The following TACR3 variants were observed in gnomAD, a reference collection of about 807,000 sequenced individuals.
TACR3 encodes the protein tachykinin receptor 3.
A neutral mutation model predicts 35.0 loss-of-function variants in TACR3; 34 were observed. The observed-to-expected ratio is 0.97, with a 90% CI of 0.74 to 1.30. The LOEUF is 1.30. Among genes scored for constraint, TACR3 ranks in the 50% most tolerant of loss-of-function variants. The pLI is 0.00. For missense variants in TACR3, 558 were observed against 591.7 expected (o/e 0.94, Z 0.59); for synonymous variants, 233 against 221.1 (o/e 1.05, Z -0.48).
At chr4:103,700,895 A>C in intron 1 of TACR3, among the ~76,000 whole-genome samples, 1 of 152,198 alleles carries the variant, frequency 6.6e-6, no homozygotes, top group Non-Finnish European at 1.5e-5. Context: ...GATGGGACGT[A>C]TCTCAAAATA....
intron 1 of TACR3, among the ~76,000 whole-genome samples, chr4:103,682,809 C>A (rs1401990115): frequency 1.3e-5 from 2 of 152,078 alleles, no homozygotes; most frequent in Non-Finnish European, 2.9e-5. Context: ...GGAGAAGGAT[C>A]CATTTCCATC....
chr4:103,637,319 C>G (rs1052299830), intron 3 of TACR3, among the ~76,000 whole-genome samples: 1 of 152,152 alleles, frequency 6.6e-6, no homozygotes, highest in African/African-American at 2.4e-5. Flanking sequence ...AGCATATAAA[C>G]AGAACCAACG....
At chr4:103,694,165 G>T (rs1722471511) in intron 1 of TACR3, among the ~76,000 whole-genome samples, 1 of 151,842 alleles carries the variant, frequency 6.6e-6, no homozygotes, top group African/African-American at 2.4e-5. Context: ...AGCTTGAAGT[G>T]TACTTTTTAA....
At chr4:103,617,654 AAT>A (rs1351358316) in intron 3 of TACR3, among the ~76,000 whole-genome samples, 2 of 152,218 alleles carry the variant, frequency 1.3e-5, no homozygotes, top group Non-Finnish European at 2.9e-5. Flanking sequence ...CCAGACTTGG[AAT>A]ATCAAAATGA....
chr4:103,615,694 A>AAACTT (rs1313225520), intron 3 of TACR3, among the ~76,000 whole-genome samples: 1 of 152,216 alleles, frequency 6.6e-6, no homozygotes, highest in Non-Finnish European at 1.5e-5. Flanking sequence ...TAGAAAAATA[A>AAACTT]AACTTAATAA....
At chr4:103,617,702 A>T (rs533685615) in intron 3 of TACR3, among the ~76,000 whole-genome samples, 1 of 152,330 alleles carries the variant, frequency 6.6e-6, no homozygotes, top group Admixed American at 6.5e-5. Flanking sequence ...AGTCATAAAT[A>T]TTAGAAGATC....
chr4:103,697,549 G>GGAGTAA (rs1722550016), intron 1 of TACR3, among the ~76,000 whole-genome samples: 1 of 151,486 alleles, frequency 6.6e-6, no homozygotes. Context: ...CTCAGCCTCC[G>GGAGTAA]GAGTAACTGG....
At chr4:103,609,437 C>A (rs1724465469) in intron 3 of TACR3, among the ~76,000 whole-genome samples, 1 of 152,008 alleles carries the variant, frequency 6.6e-6, no homozygotes, top group South Asian at 2.1e-4. Context: ...AAAGGAGCAA[C>A]ATAAAAGTAC....
chr4:103,698,697 C>G (rs57790119), intron 1 of TACR3, among the ~76,000 whole-genome samples: 4,836 of 152,002 alleles, frequency 0.032, 271 homozygotes, highest in African/African-American at 0.11. Flanking sequence ...TGAACTCATA[C>G]AGTCAAATGA....
chr4:103,716,540 G>A (rs1723094878), intron 1 of TACR3, among the ~76,000 whole-genome samples: 1 of 152,022 alleles, frequency 6.6e-6, no homozygotes, highest in African/African-American at 2.4e-5. Context: ...AAAACTCAAT[G>A]CCTTTTATTA....
At chr4:103,617,903 A>C (rs1724696724) in intron 3 of TACR3, among the ~76,000 whole-genome samples, 1 of 152,174 alleles carries the variant, frequency 6.6e-6, no homozygotes, top group South Asian at 2.1e-4. Flanking sequence ...TTTATCAGGC[A>C]CCTGGGGGAA....
chr4:103,690,494 A>G (rs1467268451), intron 1 of TACR3, among the ~76,000 whole-genome samples: 4 of 152,250 alleles, frequency 2.6e-5, no homozygotes, highest in Non-Finnish European at 5.9e-5. Flanking sequence ...GTCAATATGC[A>G]TGAAGCAAAA....
chr4:103,634,362 A>T (rs1489788286), intron 3 of TACR3, among the ~76,000 whole-genome samples: 1 of 151,996 alleles, frequency 6.6e-6, no homozygotes, highest in African/African-American at 2.4e-5. Flanking sequence ...GGCCTCCAGG[A>T]GGTTGGGGGA....
Position 103,702,924 on chromosome 4 carries a change from A to T in TACR3, c.548+16204T>A, listed in dbSNP as rs574697490. Reference sequence around the variant, plus strand: ...TGTGGGGTGGGGGGAGGGGGGAGGGATAGCATTAGGAGATATACCTAATGT... The same window carrying T: ...TGTGGGGTGGGGGGAGGGGGGAGGGTTAGCATTAGGAGATATACCTAATGT... On this transcript the variant is annotated intron_variant, in intron 1 of 4. Coordinates refer to ENST00000304883, the MANE Select transcript of TACR3 (RefSeq NM_001059.3). 1.5e-4 allele frequency among the ~76,000 whole-genome samples: 19 copies of T among 123,294 alleles called. No individual in the cohort carries two copies. In the South Asian group the frequency reaches 5.2e-3, roughly 33 times the overall value. 80.9% of individuals were successfully genotyped at this position (123,294 alleles called of 152,430 possible). A position where few individuals can be genotyped will look rare whatever the true frequency, so the allele number is the denominator to read the frequency against.
chr4:103,605,868 C>G (rs928299958), intron 3 of TACR3, among the ~76,000 whole-genome samples: 13 of 152,142 alleles, frequency 8.5e-5, no homozygotes, highest in Admixed American at 1.3e-4. Flanking sequence ...GTTGCCATGG[C>G]TTTTGGTGTT....
intron 3 of TACR3, among the ~76,000 whole-genome samples, chr4:103,641,567 G>A (rs191962293): frequency 5.3e-5 from 8 of 151,878 alleles, no homozygotes; most frequent in Admixed American, 4.6e-4. Flanking sequence ...CAGTATGAAG[G>A]TTACTCAGAA....
intron 1 of TACR3, among the ~76,000 whole-genome samples, chr4:103,716,311 G>A (rs1020235449): frequency 6.6e-6 from 1 of 151,376 alleles, no homozygotes. Context: ...AGACTTCTAG[G>A]CAAGAAGGAA....
chr4:103,589,695 T>C lies in TACR3; in HGVS notation c.1385A>G (p.Asp462Gly). ...CAGGAAATGGAATTAAGAATATTCATCCACAGAGGTATAGGGTGAGCTTAT... is the reference window on the plus strand; with the variant it reads ...CAGGAAATGGAATTAAGAATATTCACCCACAGAGGTATAGGGTGAGCTTAT... ...SFISSPYTSV[D>G]EYS Residue 462 changes from aspartate to glycine, a missense_variant, in exon 5 of 5, where the codon GAT (aspartate) becomes GGT (glycine). By Grantham distance (94) the Asp-to-Gly change is moderately conservative. Transcript: ENST00000304883. 1 of 1,613,892 alleles carries C rather than the reference T, an allele frequency of 6.2e-7. No homozygotes were observed. Among genetic ancestry groups the C allele is most frequent in the Non-Finnish European group, 8.5e-7 (1 of 1,179,834 alleles).
chr4:103,691,131 A>G (rs1722394188), intron 1 of TACR3, among the ~76,000 whole-genome samples: 1 of 152,180 alleles, frequency 6.6e-6, no homozygotes, highest in African/African-American at 2.4e-5. Flanking sequence ...AGAGAAATGA[A>G]AACTTCTGTT....
Sources: gnomAD v4.1 joint callset for allele counts (sites outside exome capture counted in the v4.1 genomes callset) on GRCh38, gnomAD v4.1.1 for gene constraint, MANE v1.5 for transcripts, NCBI Gene and HGNC (gene_info 2026-07-23, HGNC 2026-07-21) for gene names.